Variants in KIAA1217 observed in about 807,000 individuals in gnomAD.
KIAA1217 encodes the protein sickle tail protein homolog.
Under a neutral mutation model 163.9 loss-of-function variants are expected in KIAA1217, and 88 were observed. The ratio of observed to expected loss-of-function variants is 0.54; its 90% CI spans 0.45 to 0.64. The LOEUF (loss-of-function observed/expected upper bound fraction) is 0.64. Among genes scored for constraint, KIAA1217 ranks in the 30% least tolerant of loss-of-function variants. KIAA1217 has a pLI of 0.00. For synonymous variants in KIAA1217, 903 were observed against 923.1 expected, an observed-to-expected ratio of 0.98 and a Z score of 0.39; for missense variants, 2,372 against 2,475.0, an observed-to-expected ratio of 0.96 and a Z score of 0.88.
intron 3 of KIAA1217, among the ~76,000 whole-genome samples, chr10:24,430,277 C>A (rs1012927507): frequency 9.2e-5 from 14 of 152,268 alleles, no homozygotes; most frequent in African/African-American, 2.9e-4. Context: ...TCAGCCCCTT[C>A]CCCTATGCTT....
intron 9 of KIAA1217, among the ~76,000 whole-genome samples, chr10:24,508,346 A>G (rs762355078): frequency 5.3e-5 from 8 of 152,154 alleles, no homozygotes; most frequent in Non-Finnish European, 1.0e-4. Flanking sequence ...AAGCTTCCTT[A>G]CCTTGATAAA....
intron 5 of KIAA1217, among the ~76,000 whole-genome samples, chr10:24,449,248 C>T (rs1271912060): frequency 6.6e-6 from 1 of 152,088 alleles, no homozygotes; most frequent in Non-Finnish European, 1.5e-5. Context: ...GTAATATATG[C>T]ACATCTGATA....
At chr10:23,837,951 C>A (rs112946201) in intron 1 of KIAA1217, among the ~76,000 whole-genome samples, 7 of 152,256 alleles carry the variant, frequency 4.6e-5, no homozygotes, top group African/African-American at 1.7e-4. Flanking sequence ...TCCCACCTTG[C>A]TTAGCCTGCA....
chr10:24,211,077 G>T (rs1203824916), intron 1 of KIAA1217, among the ~76,000 whole-genome samples: 1 of 152,098 alleles, frequency 6.6e-6, no homozygotes, highest in African/African-American at 2.4e-5. Flanking sequence ...CTATTTGATG[G>T]AAATAAGGTT....
At chr10:24,134,435 G>A (rs1289423148) in intron 2 of KIAA1217, among the ~76,000 whole-genome samples, 3 of 152,158 alleles carry the variant, frequency 2.0e-5, no homozygotes, top group East Asian at 1.9e-4. Context: ...ACCTCAGCAG[G>A]TTGTCTGCAC....
chr10:23,982,857 C>A lies in KIAA1217; in HGVS notation c.-320-24368C>A, dbSNP rs1029649567. ...AGGATTACAGGCATGAGCCACAGCA[C>A]CCGGCCTCTGTTTTTTCTTTGTAGC... On this transcript the variant is annotated intron_variant, in intron 1 of 18. Transcript: ENST00000376462. Among the ~76,000 whole-genome samples, 14 of 152,086 alleles carry A rather than the reference C, an allele frequency of 9.2e-5. No homozygotes were observed. The East Asian group carries it at 2.7e-3, about 29-fold the overall frequency.
chr10:24,420,885 T>G (rs1591789251), intron 3 of KIAA1217, among the ~76,000 whole-genome samples: 1 of 152,218 alleles, frequency 6.6e-6, no homozygotes, highest in African/African-American at 2.4e-5. Context: ...GTTTGTCCTA[T>G]CCGTGTGCCA....
intron 1 of KIAA1217, among the ~76,000 whole-genome samples, chr10:23,973,240 T>A (rs1333262287): frequency 6.6e-6 from 1 of 152,224 alleles, no homozygotes; most frequent in African/African-American, 2.4e-5. Context: ...AAAAAATAGC[T>A]CTAAAGAGGG....
rs1302431868 is a variant in KIAA1217, at chr10:23,934,577, A to ATGTGTGTG, written c.-320-72647_-320-72646insGTGTGTGT. On this transcript the variant is annotated intron_variant, in intron 1 of 18. Coordinates refer to the KIAA1217 transcript ENST00000376462. ...TTAAAGTATATATATATATATATAT[A>ATGTGTGTG]TATATATATATATGTATATATATAT... Among the ~76,000 whole-genome samples, 3 of 57,916 alleles carry ATGTGTGTG rather than the reference A, an allele frequency of 5.2e-5. 1 individual carries two copies. Among genetic ancestry groups the ATGTGTGTG allele is most frequent in the Admixed American group, 3.7e-4 (2 of 5,340 alleles). The allele number at this position is 57,916 out of a possible 152,430, so 38.0% of individuals were successfully genotyped here. A position where few individuals can be genotyped will look rare whatever the true frequency, so the allele number is the denominator to read the frequency against.
At chr10:23,927,794 C>T (rs1589093077) in intron 1 of KIAA1217, among the ~76,000 whole-genome samples, 3 of 152,102 alleles carry the variant, frequency 2.0e-5, no homozygotes, top group African/African-American at 7.2e-5. Context: ...TTCAGGCCTC[C>T]GGAGACAGTA....
chr10:24,513,284 C>T lies in KIAA1217; in HGVS notation c.2027C>T (p.Ala676Val), dbSNP rs1295045836. The T allele has an allele frequency of 6.2e-7, 1 of 1,614,044 alleles. No individual in the cohort carries two copies. Among genetic ancestry groups the T allele is most frequent in the South Asian group, 1.1e-5 (1 of 91,078 alleles). ...CTGCAGAACCAGGAGTTGCTGAGGG[C>T]AATGATGAAGAAGGCCGAGCTGGAA... ...LQLQNQELLR[A>V]MMKKAELEIS... is the part of the protein sequence containing the mutation. The change falls in exon 10 of 21, where the codon GCA (alanine) becomes GTA (valine). Residue 676 changes from alanine (A) to valine (V), a missense_variant. Transcript: ENST00000376454.
intron 1 of KIAA1217, among the ~76,000 whole-genome samples, chr10:23,985,038 G>A (rs1845915416): frequency 6.6e-6 from 1 of 151,994 alleles, no homozygotes; most frequent in Non-Finnish European, 1.5e-5. Flanking sequence ...ACTAAAAGAA[G>A]TCCTTTGAGC....
At chr10:24,406,600 T>C (rs2057248597) in intron 3 of KIAA1217, among the ~76,000 whole-genome samples, 1 of 152,224 alleles carries the variant, frequency 6.6e-6, no homozygotes, top group Non-Finnish European at 1.5e-5. Flanking sequence ...GAGGGAGTAC[T>C]TTTATCTTAC....
At chr10:24,091,261 G>T (rs1338895223) in intron 2 of KIAA1217, among the ~76,000 whole-genome samples, 4 of 151,878 alleles carry the variant, frequency 2.6e-5, no homozygotes, top group African/African-American at 9.7e-5. Context: ...TTTCCCTGAA[G>T]GTCTTAAAAT....
chr10:24,460,966 G>A (rs1156728631), intron 5 of KIAA1217, among the ~76,000 whole-genome samples: 1 of 152,156 alleles, frequency 6.6e-6, no homozygotes, highest in Non-Finnish European at 1.5e-5. Flanking sequence ...TGAGAAAGGA[G>A]TTATTACAGA....
intron 1 of KIAA1217, among the ~76,000 whole-genome samples, chr10:23,804,531 A>G (rs1218613646): frequency 6.6e-6 from 1 of 152,168 alleles, no homozygotes; most frequent in African/African-American, 2.4e-5. Flanking sequence ...AAACTCTTTC[A>G]TTTTTTAAGA....
At chr10:23,844,636 A>G (rs1838934705) in intron 1 of KIAA1217, among the ~76,000 whole-genome samples, 1 of 151,562 alleles carries the variant, frequency 6.6e-6, no homozygotes, top group South Asian at 2.1e-4. Flanking sequence ...TTCCTTGTCA[A>G]TATCCTCTGC....
At chr10:24,131,386 A>G (rs2063646455) in intron 2 of KIAA1217, among the ~76,000 whole-genome samples, 1 of 152,210 alleles carries the variant, frequency 6.6e-6, no homozygotes, top group Admixed American at 6.5e-5. Context: ...TATTTTGAAA[A>G]TCTGAAAAGA....
chr10:24,524,488 G>A lies in KIAA1217; in HGVS notation c.2622G>A (p.Ser874=), dbSNP rs111566927. The change falls in exon 13 of 21, where the codon TCG becomes TCA. Residue 874 remains serine (S), a synonymous_variant. Transcript: ENST00000376454. ...HSTGAPGDAK[S]EVVPLSGMMV... The stretch of plus-strand genomic sequence containing the variant: ...CAGGTGCCCCTGGCGATGCGAAGTC[G>A]GAAGTGGTGCCTTTGTCCGGCATGA... The A allele has an allele frequency of 8.7e-5, 141 of 1,614,164 alleles. 1 individual carries two copies. The African/African-American group carries it at 9.2e-4, about 11-fold the overall frequency.
Sources: gnomAD v4.1 joint callset for allele counts (sites outside exome capture counted in the v4.1 genomes callset) on GRCh38, gnomAD v4.1.1 for gene constraint, MANE v1.5 for transcripts, NCBI Gene and HGNC (gene_info 2026-07-23, HGNC 2026-07-21) for gene names.